SYT1: variants seen among roughly 807,000 people sequenced by gnomAD.
SYT1 encodes synaptotagmin 1.
SYT1 carries 8 observed loss-of-function variants against 44.8 expected under a neutral mutation model. The ratio of observed to expected loss-of-function variants is 0.18; its 90% CI spans 0.10 to 0.32. SYT1 has a LOEUF of 0.32. Among genes scored for constraint, SYT1 ranks in the 10% least tolerant of loss-of-function variants. The pLI, the probability that SYT1 is intolerant of heterozygous loss-of-function variation, is 1.00. For missense variants in SYT1, 286 were observed against 509.3 expected (o/e 0.56, Z 4.22); for synonymous variants, 154 against 188.8 (o/e 0.82, Z 1.51).
At chr12:79,342,177 C>T (rs910454276) in intron 8 of SYT1, among the ~76,000 whole-genome samples, 2 of 152,042 alleles carry the variant, frequency 1.3e-5, no homozygotes, top group African/African-American at 4.8e-5. Flanking sequence ...AGAATTTGGG[C>T]CTTTTAACTC....
chr12:79,333,259 G>GCT (rs1235526005), intron 8 of SYT1, among the ~76,000 whole-genome samples: 3 of 152,116 alleles, frequency 2.0e-5, no homozygotes, highest in Admixed American at 6.6e-5. Flanking sequence ...CCGCTTACTG[G>GCT]CTCATGGTCT....
chr12:78,971,825 A>C (rs756009479), intron 1 of SYT1, among the ~76,000 whole-genome samples: 5 of 152,152 alleles, frequency 3.3e-5, no homozygotes, highest in Non-Finnish European at 7.4e-5. Flanking sequence ...TACTTCAACT[A>C]TACTACTAAT....
chr12:79,451,419 A>G lies in SYT1; in HGVS notation c.*2295A>G, dbSNP rs1175825247. The G allele has an allele frequency of 6.6e-6, 1 of 152,268 alleles. No individual in the cohort carries two copies. The highest frequency in any genetic ancestry group is 1.9e-4 in the East Asian group (1 of 5,204). 9.4% of individuals were successfully genotyped at this position (152,268 alleles called of 1,614,324 possible). ...TGACTGGCTTTTAAAAAGTATTTAA[A>G]TACCACAAATGACATTTAATTTCAC... is the stretch of plus-strand genomic sequence containing the variant. On this transcript the variant is annotated 3_prime_UTR_variant, in exon 11 of 11. Coordinates refer to ENST00000261205, the MANE Select transcript of SYT1 (RefSeq NM_005639.3).
At chr12:79,175,359 T>A (rs183966686) in intron 3 of SYT1, among the ~76,000 whole-genome samples, 2 of 152,084 alleles carry the variant, frequency 1.3e-5, no homozygotes, top group Non-Finnish European at 2.9e-5. Flanking sequence ...TACTTTTGAC[T>A]TCACTCGTAT....
At chr12:79,310,974 G>C (rs1202933228) in intron 8 of SYT1, among the ~76,000 whole-genome samples, 1 of 152,224 alleles carries the variant, frequency 6.6e-6, no homozygotes, top group African/African-American at 2.4e-5. Context: ...GGGACAATTT[G>C]ACTTCCTCTT....
At chr12:79,216,541 G>A (rs1023922941) in intron 3 of SYT1, among the ~76,000 whole-genome samples, 1 of 152,122 alleles carries the variant, frequency 6.6e-6, no homozygotes, top group East Asian at 1.9e-4. Context: ...TCCAGGAAGG[G>A]CAGGTTTTAG....
chr12:79,368,575 T>C (rs1593006325), intron 9 of SYT1, among the ~76,000 whole-genome samples: 1 of 150,910 alleles, frequency 6.6e-6, no homozygotes, highest in East Asian at 1.9e-4. Flanking sequence ...TCCTGACTTT[T>C]TAATGATTGC....
chr12:78,971,277 C>T (rs1868374428), intron 1 of SYT1, among the ~76,000 whole-genome samples: 1 of 152,086 alleles, frequency 6.6e-6, no homozygotes. Flanking sequence ...GTCCAAACTT[C>T]TTTTGAATAA....
At position 79,367,909 on chromosome 12, in the gene SYT1, AAATT is replaced by A. The variant is rs1422803134; in HGVS notation, c.928+14292_928+14295del. Among the ~76,000 whole-genome samples the A allele has an allele frequency of 1.8e-4, 27 of 152,166 alleles. No homozygotes were observed. The East Asian group carries it at 5.2e-3, about 29-fold the overall frequency. On this transcript the variant is annotated intron_variant, in intron 9 of 10. Transcript: ENST00000261205. ...AGATGATACCTTTTTTTAAAAAAAA[AAATT>A]ATTATTATACTTTAAGTTTTAGGGT...
At chr12:79,162,850 G>A (rs1260366115) in intron 3 of SYT1, among the ~76,000 whole-genome samples, 1 of 151,620 alleles carries the variant, frequency 6.6e-6, no homozygotes, top group Non-Finnish European at 1.5e-5. Flanking sequence ...TTATTTATGT[G>A]GGCCCATTAT....
At chr12:79,148,750 C>T (rs1233616578) in intron 3 of SYT1, among the ~76,000 whole-genome samples, 1 of 151,982 alleles carries the variant, frequency 6.6e-6, no homozygotes, top group African/African-American at 2.4e-5. Context: ...TAAATTAATC[C>T]CTACAGCTTT....
At chr12:79,237,456 T>C (rs969416136) in intron 4 of SYT1, among the ~76,000 whole-genome samples, 4 of 152,080 alleles carry the variant, frequency 2.6e-5, no homozygotes, top group Admixed American at 2.0e-4. Context: ...GATGAAGAGA[T>C]AAATGAGCTG....
intron 3 of SYT1, among the ~76,000 whole-genome samples, chr12:79,190,574 C>A (rs1873055737): frequency 1.3e-5 from 2 of 152,252 alleles, no homozygotes; most frequent in South Asian, 4.1e-4. Context: ...CAGTACTCCA[C>A]AGCACCGGCG....
At chr12:79,176,624 T>C (rs1035481736) in intron 3 of SYT1, among the ~76,000 whole-genome samples, 2 of 152,108 alleles carry the variant, frequency 1.3e-5, no homozygotes, top group African/African-American at 2.4e-5. Flanking sequence ...TGTTGAGTTC[T>C]ATATTTTTTT....
chr12:79,420,230 A>C (rs1440799966), intron 9 of SYT1, among the ~76,000 whole-genome samples: 1 of 152,142 alleles, frequency 6.6e-6, no homozygotes, highest in Non-Finnish European at 1.5e-5. Context: ...GATGTATTAA[A>C]TAACACCCCA....
At chr12:78,891,429 T>C (rs1382225035) in intron 1 of SYT1, among the ~76,000 whole-genome samples, 1 of 151,944 alleles carries the variant, frequency 6.6e-6, no homozygotes, top group East Asian at 1.9e-4. Flanking sequence ...GTTTCCATGT[T>C]ACCATAGCTG....
chr12:79,312,112 G>A lies in SYT1; in HGVS notation c.810+12561G>A, dbSNP rs1284056294. ...GTTTTTTTGTGGATTCTTTCATACTGCAAAAGTAAAACCATTTGCCTTCTG... is the reference window on the plus strand; with the variant it reads ...GTTTTTTTGTGGATTCTTTCATACTACAAAAGTAAAACCATTTGCCTTCTG... On this transcript the variant is annotated intron_variant, in intron 8 of 10. Transcript: ENST00000261205. Among the ~76,000 whole-genome samples the A allele has an allele frequency of 2.6e-5, 4 of 152,032 alleles. No individual in the cohort carries two copies. The South Asian group carries it at 8.3e-4, about 32-fold the overall frequency.
chr12:79,315,569 C>T (rs1881042301), intron 8 of SYT1, among the ~76,000 whole-genome samples: 1 of 152,176 alleles, frequency 6.6e-6, no homozygotes, highest in Admixed American at 6.5e-5. Flanking sequence ...ATGCTCCAGG[C>T]TGACTGGGGT....
chr12:79,234,696 CT>C lies in SYT1; in HGVS notation c.166+17014del, dbSNP rs1311764308. On this transcript the variant is annotated intron_variant, in intron 4 of 10. Transcript: ENST00000261205. Reference sequence around the variant, plus strand: ...ATTTCTAGTTTGGGGCTTTTTCTTTCTTTCTTTCTTTCTTTCTTTTTTTTTT... The same window carrying C: ...ATTTCTAGTTTGGGGCTTTTTCTTTCTTCTTTCTTTCTTTCTTTTTTTTTT... 1.7e-3 allele frequency among the ~76,000 whole-genome samples: 136 copies of C among 80,512 alleles called. 2 individuals carry two copies. The highest frequency in any genetic ancestry group is 5.9e-3 in the Middle Eastern group (1 of 170). 52.8% of individuals were successfully genotyped at this position (80,512 alleles called of 152,430 possible). A position where few individuals can be genotyped will look rare whatever the true frequency, so the allele number is the denominator to read the frequency against.
Sources: gnomAD v4.1 joint callset for allele counts (sites outside exome capture counted in the v4.1 genomes callset) on GRCh38, gnomAD v4.1.1 for gene constraint, MANE v1.5 for transcripts, NCBI Gene and HGNC (gene_info 2026-07-23, HGNC 2026-07-21) for gene names.